The following H2BC10 variants were observed in gnomAD, a reference collection of about 807,000 sequenced individuals.
The protein encoded by H2BC10 is histone H2B type 1-C/E/F/G/I.
A neutral mutation model predicts 6.4 loss-of-function variants in H2BC10; 6 were observed. The ratio of observed to expected loss-of-function variants is 0.93; its 90% confidence interval spans 0.51 to 1.84. The LOEUF is 1.84. H2BC10 is among the 40% of genes most tolerant of loss of function. The pLI is 0.01. For missense variants in H2BC10, 191 were observed against 168.7 expected (o/e 1.13, Z -0.73); for synonymous variants, 120 against 72.8 (o/e 1.65, Z -3.30).
In H2BC10 at chr6:26,273,102, T is replaced by G; in HGVS notation, c.127T>G (p.Tyr43Asp). The G allele has an allele frequency of 6.2e-7, 1 of 1,614,252 alleles. No homozygotes were observed. Among genetic ancestry groups the G allele is most frequent in the Non-Finnish European group, 8.5e-7 (1 of 1,180,044 alleles). ...SRKESYSVYV[Y>D]KVLKQVHPDT... ...CAAGGAGAGCTATTCCGTGTACGTG[T>G]ACAAGGTGCTGAAGCAGGTCCACCC... Residue 43 changes from tyrosine to aspartate, a missense_variant, in exon 1 of 1, where the codon TAC (tyrosine) becomes GAC (aspartate). Coordinates refer to ENST00000377733, the MANE Select transcript of H2BC10 (RefSeq NM_003525.3).
Position 26,273,378 on chromosome 6 carries a change from GC to G in H2BC10, c.*23del. Reference sequence around the variant, plus strand: ...GTAAACTAGTTACCTGGGTAAAAGCGCTAACGACCCAAAGGCTCTTCTAAGA... The same window carrying G: ...GTAAACTAGTTACCTGGGTAAAAGCGTAACGACCCAAAGGCTCTTCTAAGA... On this transcript the variant is annotated 3_prime_UTR_variant, in exon 1 of 1. Coordinates refer to ENST00000377733, the MANE Select transcript of H2BC10 (RefSeq NM_003525.3). 17 of 1,609,310 alleles carry G rather than the reference GC, an allele frequency of 1.1e-5. No homozygotes were observed. The highest frequency in any genetic ancestry group is 1.4e-5 in the Non-Finnish European group (17 of 1,178,018).
At position 26,272,959 on chromosome 6, in the gene H2BC10, T is replaced by G; in HGVS notation, c.-17T>G. ...ATTTTCCTGTGGTCATTTGACGGTA[T>G]CACTTCGGCTGCGAACATGCCTGAA... On this transcript the variant is annotated 5_prime_UTR_variant, in exon 1 of 1. Transcript: ENST00000377733. The G allele has an allele frequency of 2.5e-6, 4 of 1,614,104 alleles. No individual in the cohort carries two copies. The South Asian group carries it at 4.4e-5, about 18-fold the overall frequency.
Position 26,273,361 on chromosome 6 carries a change from G to C in H2BC10, c.*5G>C, listed in dbSNP as rs1426657410. On this transcript the variant is annotated 3_prime_UTR_variant, in exon 1 of 1. Coordinates refer to ENST00000377733, the MANE Select transcript of H2BC10 (RefSeq NM_003525.3). Reference sequence around the variant, plus strand: ...AAGTACACCAGCTCCAAGTAAACTAGTTACCTGGGTAAAAGCGCTAACGAC... The same window carrying C: ...AAGTACACCAGCTCCAAGTAAACTACTTACCTGGGTAAAAGCGCTAACGAC... The C allele has an allele frequency of 6.2e-7, 1 of 1,613,132 alleles. No individual in the cohort carries two copies. Among genetic ancestry groups the C allele is most frequent in the Non-Finnish European group, 8.5e-7 (1 of 1,179,580 alleles).
Position 26,273,056 on chromosome 6 carries a change from C to G in H2BC10, c.81C>G (p.Gly27=). The change falls in exon 1 of 1, where the codon GGC becomes GGG. Residue 27 remains glycine (G), a synonymous_variant. Transcript: ENST00000377733. ...KAVTKAQKKD[G]KKRKRSRKES... ...TGACCAAGGCACAGAAGAAGGATGG[C>G]AAGAAGCGCAAGCGCAGCCGCAAGG... The G allele has an allele frequency of 6.2e-7, 1 of 1,614,204 alleles. No homozygotes were observed. The highest frequency in any genetic ancestry group is 1.1e-5 in the South Asian group (1 of 91,080).
In H2BC10 at chr6:26,273,012, A is replaced by C. The variant is rs1189108232; in HGVS notation, c.37A>C (p.Lys13Gln). The change falls in exon 1 of 1, where the codon AAG (lysine) becomes CAG (glutamine). Residue 13 changes from lysine (K) to glutamine (Q), a missense_variant. Physicochemically the swap from Lys to Gln is moderately conservative, Grantham distance 53. Coordinates refer to ENST00000377733, the MANE Select transcript of H2BC10 (RefSeq NM_003525.3). ...EPAKSAPAPK[K>Q]GSKKAVTKAQ... Reference sequence around the variant, plus strand: ...AGCTAAGTCAGCTCCCGCCCCGAAGAAGGGCTCCAAGAAGGCGGTGACCAA... The same window carrying C: ...AGCTAAGTCAGCTCCCGCCCCGAAGCAGGGCTCCAAGAAGGCGGTGACCAA... 6.2e-7 allele frequency: 1 copy of C among 1,614,174 alleles called. No individual in the cohort carries two copies. The highest frequency in any genetic ancestry group is 1.7e-5 in the Admixed American group (1 of 60,020).
In H2BC10 at chr6:26,273,298, C is replaced by G; in HGVS notation, c.323C>G (p.Ala108Gly). ...CGCCTGCTGCTACCCGGGGAGCTGG[C>G]CAAACACGCGGTGTCGGAGGGCACC... ...AVRLLLPGELAKHAVSEGTKA... is the reference protein window; with the variant it reads ...AVRLLLPGELGKHAVSEGTKA... Residue 108 changes from alanine to glycine, a missense_variant, in exon 1 of 1, where the codon GCC becomes GGC. Coordinates refer to ENST00000377733, the MANE Select transcript of H2BC10 (RefSeq NM_003525.3). 1 of 1,614,178 alleles carries G rather than the reference C, an allele frequency of 6.2e-7. No individual in the cohort carries two copies. Among genetic ancestry groups the G allele is most frequent in the Middle Eastern group, 1.6e-4 (1 of 6,062 alleles).
Position 26,273,044 on chromosome 6 carries a change from G to A in H2BC10, c.69G>A (p.Gln23=). Residue 23 remains glutamine, a synonymous_variant, in exon 1 of 1, where the codon CAG becomes CAA. Coordinates refer to ENST00000377733, the MANE Select transcript of H2BC10 (RefSeq NM_003525.3). ...KGSKKAVTKA[Q]KKDGKKRKRS... is the part of the protein sequence containing the mutation. ...CCAAGAAGGCGGTGACCAAGGCACA[G>A]AAGAAGGATGGCAAGAAGCGCAAGC... is the stretch of plus-strand genomic sequence containing the variant. 1 of 1,614,190 alleles carries A rather than the reference G, an allele frequency of 6.2e-7. No homozygotes were observed.
chr6:26,273,158 G>T lies in H2BC10; in HGVS notation c.183G>T (p.Gly61=), dbSNP rs746975839. 2.0e-5 allele frequency: 33 copies of T among 1,614,244 alleles called. No homozygotes were observed. In the South Asian group the frequency reaches 3.4e-4, roughly 17 times the overall value. The change falls in exon 1 of 1, where the codon GGG becomes GGT. Residue 61 remains glycine (G), a synonymous_variant. Coordinates refer to ENST00000377733, the MANE Select transcript of H2BC10 (RefSeq NM_003525.3). ...CCGGCATCTCGTCCAAGGCTATGGG[G>T]ATTATGAACTCCTTCGTCAACGACA... The part of the protein sequence containing the change: ...PDTGISSKAM[G]IMNSFVNDIF...
At position 26,273,068 on chromosome 6, in the gene H2BC10, G is replaced by A. The variant is rs747514210; in HGVS notation, c.93G>A (p.Lys31=). 1 of 1,614,274 alleles carries A rather than the reference G, an allele frequency of 6.2e-7. No homozygotes were observed. The change falls in exon 1 of 1, where the codon AAG becomes AAA. Residue 31 remains lysine (K), a synonymous_variant. Coordinates refer to ENST00000377733, the MANE Select transcript of H2BC10 (RefSeq NM_003525.3). ...KAQKKDGKKR[K]RSRKESYSVY... ...AGAAGAAGGATGGCAAGAAGCGCAAGCGCAGCCGCAAGGAGAGCTATTCCG... is the reference window on the plus strand; with the variant it reads ...AGAAGAAGGATGGCAAGAAGCGCAAACGCAGCCGCAAGGAGAGCTATTCCG...
In H2BC10 at chr6:26,273,209, T is replaced by C; in HGVS notation, c.234T>C (p.Ala78=). 1 of 1,614,226 alleles carries C rather than the reference T, an allele frequency of 6.2e-7. No homozygotes were observed. Among genetic ancestry groups the C allele is most frequent in the South Asian group, 1.1e-5 (1 of 91,084 alleles). Residue 78 remains alanine, a synonymous_variant, in exon 1 of 1, where the codon GCT becomes GCC. Transcript: ENST00000377733. ...TTTTCGAGCGCATTGCAGGCGAGGC[T>C]TCCCGCCTGGCGCATTATAACAAGC... The part of the protein sequence containing the change: ...NDIFERIAGE[A]SRLAHYNKRS...
chr6:26,273,110 G>C lies in H2BC10; in HGVS notation c.135G>C (p.Val45=). 1 of 1,614,266 alleles carries C rather than the reference G, an allele frequency of 6.2e-7. No individual in the cohort carries two copies. The highest frequency in any genetic ancestry group is 8.5e-7 in the Non-Finnish European group (1 of 1,180,048). Residue 45 remains valine (V), a synonymous_variant, in exon 1 of 1, where the codon GTG becomes GTC. Transcript: ENST00000377733. ...KESYSVYVYK[V]LKQVHPDTGI... ...GCTATTCCGTGTACGTGTACAAGGT[G>C]CTGAAGCAGGTCCACCCCGACACCG... is the stretch of plus-strand genomic sequence containing the variant.
At position 26,273,047 on chromosome 6, in the gene H2BC10, G is replaced by A. The variant is rs912327101; in HGVS notation, c.72G>A (p.Lys24=). 1.2e-6 allele frequency: 2 copies of A among 1,614,268 alleles called. No individual in the cohort carries two copies. The highest frequency in any genetic ancestry group is 8.5e-7 in the Non-Finnish European group (1 of 1,180,040). The part of the protein sequence containing the change: ...GSKKAVTKAQ[K]KDGKKRKRSR... Reference sequence around the variant, plus strand: ...AGAAGGCGGTGACCAAGGCACAGAAGAAGGATGGCAAGAAGCGCAAGCGCA... The same window carrying A: ...AGAAGGCGGTGACCAAGGCACAGAAAAAGGATGGCAAGAAGCGCAAGCGCA... The change falls in exon 1 of 1, where the codon AAG becomes AAA. Residue 24 remains lysine (K), a synonymous_variant. Coordinates refer to ENST00000377733, the MANE Select transcript of H2BC10 (RefSeq NM_003525.3).
At position 26,273,104 on chromosome 6, in the gene H2BC10, C is replaced by G. The variant is rs575291570; in HGVS notation, c.129C>G (p.Tyr43Ter). 1.9e-6 allele frequency: 3 copies of G among 1,614,256 alleles called. No individual in the cohort carries two copies. The highest frequency in any genetic ancestry group is 1.7e-6 in the Non-Finnish European group (2 of 1,180,050). The change falls in exon 1 of 1, where the codon TAC becomes TAG. Residue 43 changes from tyrosine to a stop codon, truncating the protein, a stop_gained. Coordinates refer to ENST00000377733, the MANE Select transcript of H2BC10 (RefSeq NM_003525.3). LOFTEE classifies it high-confidence loss of function. ...AGGAGAGCTATTCCGTGTACGTGTA[C>G]AAGGTGCTGAAGCAGGTCCACCCCG... ...SRKESYSVYV[Y>*]KVLKQVHPDT...
At position 26,273,092 on chromosome 6, in the gene H2BC10, C is replaced by T. The variant is rs1303246086; in HGVS notation, c.117C>T (p.Ser39=). The change falls in exon 1 of 1, where the codon TCC becomes TCT. Residue 39 remains serine (S), a synonymous_variant. Transcript: ENST00000377733. ...KRKRSRKESY[S]VYVYKVLKQV... ...AGCGCAGCCGCAAGGAGAGCTATTC[C>T]GTGTACGTGTACAAGGTGCTGAAGC... 5 of 1,614,250 alleles carry T rather than the reference C, an allele frequency of 3.1e-6. No homozygotes were observed. The highest frequency in any genetic ancestry group is 2.7e-5 in the African/African-American group (2 of 75,066).
At position 26,272,964 on chromosome 6, in the gene H2BC10, T is replaced by C; in HGVS notation, c.-12T>C. 1 of 1,614,148 alleles carries C rather than the reference T, an allele frequency of 6.2e-7. No homozygotes were observed. Among genetic ancestry groups the C allele is most frequent in the Non-Finnish European group, 8.5e-7 (1 of 1,180,034 alleles). On this transcript the variant is annotated 5_prime_UTR_variant, in exon 1 of 1. Transcript: ENST00000377733. The stretch of plus-strand genomic sequence containing the variant: ...CCTGTGGTCATTTGACGGTATCACT[T>C]CGGCTGCGAACATGCCTGAACCAGC...
In H2BC10 at chr6:26,273,054, G is replaced by A. The variant is rs1261225051; in HGVS notation, c.79G>A (p.Gly27Ser). 6.2e-7 allele frequency: 1 copy of A among 1,614,138 alleles called. No homozygotes were observed. The highest frequency in any genetic ancestry group is 1.3e-5 in the African/African-American group (1 of 74,950). ...KAVTKAQKKDGKKRKRSRKES... is the reference protein window; with the variant it reads ...KAVTKAQKKDSKKRKRSRKES... ...GGTGACCAAGGCACAGAAGAAGGAT[G>A]GCAAGAAGCGCAAGCGCAGCCGCAA... Residue 27 changes from glycine (G) to serine (S), a missense_variant, in exon 1 of 1, where the codon GGC becomes AGC. Coordinates refer to ENST00000377733, the MANE Select transcript of H2BC10 (RefSeq NM_003525.3).
At position 26,273,033 on chromosome 6, in the gene H2BC10, A is replaced by G; in HGVS notation, c.58A>G (p.Thr20Ala). ...APKKGSKKAV[T>A]KAQKKDGKKR... is the part of the protein sequence containing the mutation. Reference sequence around the variant, plus strand: ...GAAGAAGGGCTCCAAGAAGGCGGTGACCAAGGCACAGAAGAAGGATGGCAA... The same window carrying G: ...GAAGAAGGGCTCCAAGAAGGCGGTGGCCAAGGCACAGAAGAAGGATGGCAA... The change falls in exon 1 of 1, where the codon ACC (threonine) becomes GCC (alanine). Residue 20 changes from threonine (T) to alanine (A), a missense_variant. Coordinates refer to ENST00000377733, the MANE Select transcript of H2BC10 (RefSeq NM_003525.3). 6.2e-7 allele frequency: 1 copy of G among 1,614,260 alleles called. No individual in the cohort carries two copies. The highest frequency in any genetic ancestry group is 8.5e-7 in the Non-Finnish European group (1 of 1,180,046).
rs200674212 is a variant in H2BC10 at position 26,273,032 on chromosome 6, G to A, written c.57G>A (p.Val19=). 3.6e-5 allele frequency: 58 copies of A among 1,614,120 alleles called. No individual in the cohort carries two copies. Among genetic ancestry groups the A allele is most frequent in the Non-Finnish European group, 4.2e-5 (50 of 1,180,048 alleles). ...CGAAGAAGGGCTCCAAGAAGGCGGT[G>A]ACCAAGGCACAGAAGAAGGATGGCA... The part of the protein sequence containing the change: ...PAPKKGSKKA[V]TKAQKKDGKK... The change falls in exon 1 of 1, where the codon GTG becomes GTA. Residue 19 remains valine, a synonymous_variant. Transcript: ENST00000377733.
chr6:26,273,244 T>C lies in H2BC10; in HGVS notation c.269T>C (p.Ile90Thr), dbSNP rs1256650448. ...GCGCATTATAACAAGCGCTCGACCATCACTTCCAGGGAGATCCAAACGGCT... is the reference window on the plus strand; with the variant it reads ...GCGCATTATAACAAGCGCTCGACCACCACTTCCAGGGAGATCCAAACGGCT... ...RLAHYNKRST[I>T]TSREIQTAVR... Residue 90 changes from isoleucine (I) to threonine (T), a missense_variant, in exon 1 of 1, where the codon ATC (isoleucine) becomes ACC (threonine). Transcript: ENST00000377733. The C allele has an allele frequency of 6.2e-7, 1 of 1,614,076 alleles. No homozygotes were observed. The highest frequency in any genetic ancestry group is 8.5e-7 in the Non-Finnish European group (1 of 1,180,030).
Sources: allele counts gnomAD v4.1 joint callset, GRCh38; gene constraint gnomAD v4.1.1; transcripts MANE v1.5; gene names NCBI Gene and HGNC (gene_info 2026-07-23, HGNC 2026-07-21).